CDH10: variants seen among roughly 807,000 people sequenced by gnomAD.
CDH10 encodes cadherin-10.
CDH10 carries 30 observed loss-of-function variants against 73.1 expected under a neutral mutation model. The observed-to-expected ratio is 0.41, with a 90% confidence interval of 0.31 to 0.56. The LOEUF is 0.56. Among genes scored for constraint, CDH10 ranks in the 20% least tolerant of loss-of-function variants. The pLI, the probability that CDH10 is intolerant of heterozygous loss-of-function variation, is 0.27. For synonymous variants in CDH10, 345 were observed against 348.2 expected (o/e 0.99, Z 0.10); for missense variants, 815 against 973.7 (o/e 0.84, Z 2.17).
At chr5:24,516,063 A>G (rs1743098657) in intron 5 of CDH10, among the ~76,000 whole-genome samples, 1 of 152,202 alleles carries the variant, frequency 6.6e-6, no homozygotes, top group African/African-American at 2.4e-5. Flanking sequence ...TAGCAGCATG[A>G]AAACAGACTA....
chr5:24,592,887 C>T (rs1746246918), intron 2 of CDH10, among the ~76,000 whole-genome samples: 1 of 146,966 alleles, frequency 6.8e-6, no homozygotes, highest in South Asian at 2.1e-4. Flanking sequence ...CCTCACTGAA[C>T]TCAATAGCAA....
intron 8 of CDH10, among the ~76,000 whole-genome samples, chr5:24,504,633 C>G (rs2111721924): frequency 6.7e-6 from 1 of 149,640 alleles, no homozygotes; most frequent in East Asian, 2.0e-4. Flanking sequence ...TCACGCCATT[C>G]TCCTGCCTCA....
intron 1 of CDH10, among the ~76,000 whole-genome samples, chr5:24,643,134 T>C (rs1216376498): frequency 6.6e-6 from 1 of 152,156 alleles, no homozygotes; most frequent in African/African-American, 2.4e-5. Flanking sequence ...ATTACTTCCT[T>C]ATGCATTGCA....
intron 2 of CDH10, among the ~76,000 whole-genome samples, chr5:24,579,943 TCTATCTAAAG>T (rs1417928411): frequency 6.6e-6 from 1 of 152,190 alleles, no homozygotes; most frequent in Non-Finnish European, 1.5e-5. Context: ...TGTATCTTAC[TCTATCTAAAG>T]CTGAAATCTG....
At chr5:24,525,673 T>G (rs1743503314) in intron 5 of CDH10, among the ~76,000 whole-genome samples, 1 of 152,050 alleles carries the variant, frequency 6.6e-6, no homozygotes, top group Admixed American at 6.6e-5. Context: ...CTACTGAGGC[T>G]TTCGAATTGA....
chr5:24,511,646 T>G, intron 5 of CDH10, 132 bp from the exon 6 acceptor site: 1 of 597,250 alleles, frequency 1.7e-6, no homozygotes, highest in Non-Finnish European at 3.0e-6. Flanking sequence ...ATAATAGATC[T>G]TAAACTCTAA....
intron 2 of CDH10, among the ~76,000 whole-genome samples, chr5:24,538,600 C>T (rs1188064201): frequency 6.6e-6 from 1 of 152,098 alleles, no homozygotes; most frequent in African/African-American, 2.4e-5. Context: ...TATTTTTCAA[C>T]AGATGCCCTT....
intron 2 of CDH10, among the ~76,000 whole-genome samples, chr5:24,561,572 C>CA (rs1479178556): frequency 6.6e-6 from 1 of 152,104 alleles, no homozygotes; most frequent in African/African-American, 2.4e-5. Context: ...TTCTACAAGG[C>CA]ATATACCAAC....
chr5:24,553,406 T>C (rs926214572), intron 2 of CDH10, among the ~76,000 whole-genome samples: 1 of 152,150 alleles, frequency 6.6e-6, no homozygotes, highest in Non-Finnish European at 1.5e-5. Flanking sequence ...CCATTTTTCT[T>C]GCTCAGTCAT....
rs2111612152 is a variant in CDH10 at position 24,488,095 on chromosome 5, C to G, written c.1935G>C (p.Leu645Phe). ...KRQRKKEPLILSKEDIRDNIV... is the reference protein window; with the variant it reads ...KRQRKKEPLIFSKEDIRDNIV... ...TGTTGTCTCTGATATCTTCTTTTGA[C>G]AAGATCAGAGGCTCTTTTTTTCGCT... The change falls in exon 12 of 12, where the codon TTG becomes TTC. Residue 645 changes from leucine (L) to phenylalanine (F), a missense_variant. Transcript: ENST00000264463. 2 of 1,613,536 alleles carry G rather than the reference C, an allele frequency of 1.2e-6. No homozygotes were observed. The highest frequency in any genetic ancestry group is 1.7e-6 in the Non-Finnish European group (2 of 1,179,586).
intron 2 of CDH10, among the ~76,000 whole-genome samples, chr5:24,562,374 T>C (rs1056222776): frequency 6.6e-6 from 1 of 152,066 alleles, no homozygotes; most frequent in African/African-American, 2.4e-5. Flanking sequence ...ACTGTTGATA[T>C]AGAATTACAG....
In CDH10 at chr5:24,560,183, T is replaced by C. The variant is rs144535731; in HGVS notation, c.232-22509A>G. Among the ~76,000 whole-genome samples the C allele has an allele frequency of 3.5e-3, 517 of 147,270 alleles. 4 individuals are homozygous for C. Among genetic ancestry groups the C allele is most frequent in the African/African-American group, 0.012 (471 of 40,386 alleles). ...GTTTAAATAAGATGATAATGTTTCATTTGGAAATATTTGCAATTGTGTGTG... is the reference window on the plus strand; with the variant it reads ...GTTTAAATAAGATGATAATGTTTCACTTGGAAATATTTGCAATTGTGTGTG... On this transcript the variant is annotated intron_variant, in intron 2 of 11. Transcript: ENST00000264463.
At chr5:24,557,146 G>A (rs1744795850) in intron 2 of CDH10, among the ~76,000 whole-genome samples, 2 of 151,498 alleles carry the variant, frequency 1.3e-5, no homozygotes, top group Non-Finnish European at 3.0e-5. Flanking sequence ...AGTACTATTA[G>A]TATATTCTGT....
intron 1 of CDH10, among the ~76,000 whole-genome samples, chr5:24,595,230 C>T (rs1746330611): frequency 6.6e-6 from 1 of 151,798 alleles, no homozygotes; most frequent in African/African-American, 2.4e-5. Context: ...AGTTTCACTT[C>T]TCTAATATGG....
chr5:24,505,276 A>AT (rs1561128366), intron 7 of CDH10, 28 bp from the exon 8 acceptor site: 1 of 1,599,848 alleles, frequency 6.3e-7, no homozygotes. Context: ...GAAAAAATAC[A>AT]TGGCAGCATT....
At chr5:24,635,346 G>C (rs528465775) in intron 1 of CDH10, among the ~76,000 whole-genome samples, 1 of 151,982 alleles carries the variant, frequency 6.6e-6, no homozygotes, top group African/African-American at 2.4e-5. Flanking sequence ...CATTACTGCA[G>C]TGTATTCAGA....
chr5:24,493,516 A>C (rs555490313), intron 9 of CDH10, among the ~76,000 whole-genome samples: 1 of 151,980 alleles, frequency 6.6e-6, no homozygotes, highest in East Asian at 1.9e-4. Flanking sequence ...CGGTAGGAGA[A>C]AACATAAGAC....
chr5:24,547,383 G>A (rs1170684014), intron 2 of CDH10, among the ~76,000 whole-genome samples: 2 of 152,182 alleles, frequency 1.3e-5, no homozygotes, highest in African/African-American at 4.8e-5. Context: ...TTGTACAGAT[G>A]TGAGCTGATT....
At chr5:24,616,590 A>G (rs1383426743) in intron 1 of CDH10, among the ~76,000 whole-genome samples, 1 of 152,162 alleles carries the variant, frequency 6.6e-6, no homozygotes, top group Non-Finnish European at 1.5e-5. Context: ...CATACTTTCT[A>G]TATTTAAAAA....
Sources: allele counts gnomAD v4.1 joint callset (sites outside exome capture counted in the v4.1 genomes callset), GRCh38; gene constraint gnomAD v4.1.1; transcripts MANE v1.5; gene names NCBI Gene and HGNC (gene_info 2026-07-23, HGNC 2026-07-21).